The following DEPDC5 variants were observed in gnomAD, a reference collection of about 807,000 sequenced individuals.
DEPDC5 encodes the protein GATOR1 complex protein DEPDC5.
A neutral mutation model predicts 217.3 loss-of-function variants in DEPDC5; 73 were observed. That is an observed-to-expected ratio of 0.34 (90% CI 0.28 to 0.41). DEPDC5 has a LOEUF of 0.41. Ranked by LOEUF, DEPDC5 falls within the 10% of genes least tolerant of loss-of-function variation. DEPDC5 has a pLI of 1.00. For missense variants in DEPDC5, 1,675 were observed against 2,070.1 expected, an observed-to-expected ratio of 0.81 and a Z score of 3.70; for synonymous variants, 733 against 756.7, an observed-to-expected ratio of 0.97 and a Z score of 0.51.
At chr22:31,900,031 CTTTTA>C (rs1395839564) in intron 40 of DEPDC5, among the ~76,000 whole-genome samples, 1 of 152,114 alleles carries the variant, frequency 6.6e-6, no homozygotes, top group Non-Finnish European at 1.5e-5. Flanking sequence ...ACTCTTCAAA[CTTTTA>C]TTTTATTTTA....
intron 20 of DEPDC5, among the ~76,000 whole-genome samples, chr22:31,811,222 A>G (rs2088281525): frequency 1.3e-5 from 2 of 152,012 alleles, no homozygotes; most frequent in South Asian, 4.1e-4. Context: ...GGCACGTGCC[A>G]CCACGTCCAG....
intron 7 of DEPDC5, among the ~76,000 whole-genome samples, chr22:31,773,424 A>C (rs1005306292): frequency 1.3e-5 from 2 of 152,100 alleles, no homozygotes; most frequent in African/African-American, 4.8e-5. Context: ...GCTGGTTTCC[A>C]ACTCCTGGGC....
chr22:31,778,031 A>C, intron 7 of DEPDC5, 68 bp from the exon 8 acceptor site: 1 of 1,547,356 alleles, frequency 6.5e-7, no homozygotes, highest in East Asian at 2.2e-5. Flanking sequence ...TACAGGCGTG[A>C]GCTATTGCAC....
chr22:31,839,523 C>CCT (rs2091263337), intron 27 of DEPDC5, among the ~76,000 whole-genome samples: 1 of 151,894 alleles, frequency 6.6e-6, no homozygotes, highest in South Asian at 2.1e-4. Flanking sequence ...ACAAGACCCC[C>CCT]CCTCCCCTGA....
At chr22:31,809,514 G>T (rs1375534826) in intron 18 of DEPDC5, 97 bp from the exon 19 acceptor site, 2 of 1,331,164 alleles carry the variant, frequency 1.5e-6, no homozygotes, top group East Asian at 2.3e-5. Flanking sequence ...TCAGTTACAG[G>T]CTGTCTTCCC....
intron 38 of DEPDC5, chr22:31,890,897 T>C (rs1448500597): frequency 6.3e-6 from 1 of 157,760 alleles, no homozygotes; most frequent in Non-Finnish European, 1.4e-5. Context: ...GGCTAATTTT[T>C]TGTATTTTTA....
At chr22:31,833,765 C>A in intron 24 of DEPDC5, 150 bp from the exon 25 acceptor site, 1 of 591,860 alleles carries the variant, frequency 1.7e-6, no homozygotes, top group Non-Finnish European at 2.9e-6. Flanking sequence ...TTGATCGATT[C>A]TTTTGTACTG....
intron 33 of DEPDC5, among the ~76,000 whole-genome samples, chr22:31,867,797 C>T (rs1214202552): frequency 6.6e-6 from 1 of 152,188 alleles, no homozygotes; most frequent in Non-Finnish European, 1.5e-5. Context: ...CCTACCCCGG[C>T]TCCCACCAAA....
intron 7 of DEPDC5, among the ~76,000 whole-genome samples, chr22:31,772,418 C>A (rs1328500245): frequency 1.3e-5 from 2 of 152,122 alleles, no homozygotes; most frequent in Non-Finnish European, 2.9e-5. Flanking sequence ...ATCTGCAGAG[C>A]CAGTGTTTAG....
intron 40 of DEPDC5, among the ~76,000 whole-genome samples, chr22:31,898,125 C>A (rs2093586108): frequency 6.6e-6 from 1 of 152,128 alleles, no homozygotes; most frequent in Non-Finnish European, 1.5e-5. Context: ...AAAGCTGTGG[C>A]ATGTCAGCCT....
intron 22 of DEPDC5, among the ~76,000 whole-genome samples, chr22:31,819,501 T>A (rs2089478747): frequency 6.7e-6 from 1 of 150,196 alleles, no homozygotes; most frequent in African/African-American, 2.4e-5. Context: ...AGGGTCTCAC[T>A]CTAGTTGCCT....
intron 38 of DEPDC5, chr22:31,891,104 G>A (rs1265799925): frequency 4.9e-6 from 2 of 407,958 alleles, no homozygotes; most frequent in Non-Finnish European, 9.4e-6. Flanking sequence ...ACACAATCTA[G>A]GTCAATCTTA....
intron 16 of DEPDC5, 86 bp from the exon 17 acceptor site, chr22:31,804,756 A>T (rs991778084): frequency 1.4e-4 from 198 of 1,435,392 alleles, no homozygotes; most frequent in Admixed American, 2.0e-4. Flanking sequence ...AATTTTTTTT[A>T]AAAACCTGAA....
chr22:31,884,345 A>G (rs1016653587), intron 38 of DEPDC5, among the ~76,000 whole-genome samples: 2 of 152,134 alleles, frequency 1.3e-5, no homozygotes, highest in African/African-American at 4.8e-5. Flanking sequence ...TGTGACAGGC[A>G]CACACTCTCT....
At chr22:31,836,939 A>G in intron 25 of DEPDC5, 33 bp from the exon 26 acceptor site, 1 of 1,335,690 alleles carries the variant, frequency 7.5e-7, no homozygotes, top group Non-Finnish European at 9.9e-7. Flanking sequence ...CATGGTGACC[A>G]CATGTACCTT....
rs1351954291 is a variant in DEPDC5, at chr22:31,804,298, G to A, written c.1143+75G>A. On this transcript the variant is annotated intron_variant, in intron 16 of 42. Transcript: ENST00000651528. ...GAAAGAGAAAAATTCCAGGCGCTGT[G>A]GCATGCACTTATAGTCCCACTTACT... 3 of 1,430,206 alleles carry A rather than the reference G, an allele frequency of 2.1e-6. No homozygotes were observed. The African/African-American group carries it at 4.2e-5, about 20-fold the overall frequency. The allele number at this position is 1,430,206 out of a possible 1,614,324, so 88.6% of individuals were successfully genotyped here. A position where few individuals can be genotyped will look rare whatever the true frequency, so the allele number is the denominator to read the frequency against.
Position 31,819,197 on chromosome 22 carries a change from A to G in DEPDC5, c.1842A>G (p.Arg614=). ...SRMPMKLTSN[R]RRWMHTFPVG... ...TGCCCATGAAGCTTACGTCCAACAG[A>G]AGGCGCTGGATGCACACTTTTCCTG... The change falls in exon 22 of 43, where the codon AGA becomes AGG. Residue 614 remains arginine (R), a synonymous_variant. Transcript: ENST00000651528. 6.2e-7 allele frequency: 1 copy of G among 1,614,124 alleles called. No homozygotes were observed. The highest frequency in any genetic ancestry group is 2.2e-5 in the East Asian group (1 of 44,870).
intron 7 of DEPDC5, among the ~76,000 whole-genome samples, chr22:31,776,040 CAAAAAAAA>C (rs753480175): frequency 6.4e-5 from 3 of 46,978 alleles, no homozygotes; most frequent in African/African-American, 2.3e-4. Flanking sequence ...GACTACATCT[CAAAAAAAA>C]AAAAAAAAAA....
At chr22:31,804,640 A>G (rs1327419390) in intron 16 of DEPDC5, among the ~76,000 whole-genome samples, 1 of 152,166 alleles carries the variant, frequency 6.6e-6, no homozygotes, top group Non-Finnish European at 1.5e-5. Flanking sequence ...GGGTTTCACC[A>G]TGTTGGCCAG....
Sources: gnomAD v4.1 joint callset for allele counts (sites outside exome capture counted in the v4.1 genomes callset) on GRCh38, gnomAD v4.1.1 for gene constraint, MANE v1.5 for transcripts, NCBI Gene and HGNC (gene_info 2026-07-23, HGNC 2026-07-21) for gene names.